The following DCDC2 variants were observed in gnomAD, a reference collection of about 807,000 sequenced individuals.
DCDC2 encodes doublecortin domain containing 2.
DCDC2 carries 40 observed loss-of-function variants against 50.2 expected under a neutral mutation model. That is an observed-to-expected ratio of 0.80 (90% CI 0.62 to 1.04). The LOEUF (loss-of-function observed/expected upper bound fraction) is 1.04. DCDC2 is among the 50% of genes least tolerant of loss of function. The probability of loss-of-function intolerance (pLI) is 0.00; values close to 1 mark genes in which losing one functional copy is unlikely to be tolerated. For synonymous variants in DCDC2, 234 were observed against 210.6 expected, an observed-to-expected ratio of 1.11 and a Z score of -0.96; for missense variants, 570 against 581.9, an observed-to-expected ratio of 0.98 and a Z score of 0.21.
chr6:24,225,943 T>C (rs1416433374), intron 7 of DCDC2, among the ~76,000 whole-genome samples: 1 of 152,230 alleles, frequency 6.6e-6, no homozygotes, highest in African/African-American at 2.4e-5. Flanking sequence ...TACACACCAT[T>C]GTGAACCATT....
chr6:24,204,693 C>G (rs1331951862), intron 8 of DCDC2, among the ~76,000 whole-genome samples: 1 of 152,122 alleles, frequency 6.6e-6, no homozygotes, highest in Non-Finnish European at 1.5e-5. Context: ...CAAACCAATA[C>G]TCTTTTTTAT....
At chr6:24,375,793 A>G in the DCDC2 span, among the ~76,000 whole-genome samples, 1 of 152,130 alleles carries the variant, frequency 6.6e-6, no homozygotes, top group Non-Finnish European at 1.5e-5. Context: ...GTGGTACTTG[A>G]TGAATACATT....
chr6:24,374,026 G>A, the DCDC2 span, among the ~76,000 whole-genome samples: 1 of 152,038 alleles, frequency 6.6e-6, no homozygotes, highest in African/African-American at 2.4e-5. Context: ...GCCGGGCGTG[G>A]TGGCGGGCGC....
chr6:24,301,182 T>C (rs1334900572), intron 4 of DCDC2, among the ~76,000 whole-genome samples: 1 of 151,686 alleles, frequency 6.6e-6, no homozygotes. Flanking sequence ...CCATCCTGGC[T>C]AACATGGAGA....
At chr6:24,361,757 C>CA (rs1760668562), upstream of DCDC2, among the ~76,000 whole-genome samples, 1 of 152,144 alleles carries the variant, frequency 6.6e-6, no homozygotes, top group South Asian at 2.1e-4. Context: ...AGCATTAAAC[C>CA]AATCATGGGG....
At position 24,325,186 on chromosome 6, in the gene DCDC2, C is replaced by T. The variant is rs1021887962; in HGVS notation, c.349-23142G>A. Among the ~76,000 whole-genome samples, 7 of 150,292 alleles carry T rather than the reference C, an allele frequency of 4.7e-5. 1 individual carries two copies. The highest frequency in any genetic ancestry group is 1.3e-4 in the Admixed American group (2 of 15,098). On this transcript the variant is annotated intron_variant, in intron 2 of 9. Coordinates refer to ENST00000378454, the MANE Select transcript of DCDC2 (RefSeq NM_016356.5). ...AACGTTCCATCTAGGAGTGAGAGAG[C>T]ACGATATCTACTTCCTCACACTTCT...
intron 2 of DCDC2, among the ~76,000 whole-genome samples, chr6:24,315,949 G>T (rs1302427465): frequency 1.3e-5 from 2 of 152,184 alleles, no homozygotes; most frequent in African/African-American, 2.4e-5. Flanking sequence ...AGGAAAAAAA[G>T]AAAAGTGGGT....
chr6:24,237,656 C>T (rs1762475706), intron 7 of DCDC2, among the ~76,000 whole-genome samples: 1 of 152,136 alleles, frequency 6.6e-6, no homozygotes, highest in Non-Finnish European at 1.5e-5. Context: ...ATAGCAAAGA[C>T]ATGGAATCAA....
chr6:24,219,644 G>A (rs4513785), intron 7 of DCDC2, among the ~76,000 whole-genome samples: 150,527 of 152,318 alleles, frequency 0.99, 74,394 homozygotes, highest in East Asian at 1. Context: ...CGACCTGTGC[G>A]GTCACACAGG....
At chr6:24,306,414 C>T (rs191281091) in intron 2 of DCDC2, among the ~76,000 whole-genome samples, 1 of 151,780 alleles carries the variant, frequency 6.6e-6, no homozygotes, top group Non-Finnish European at 1.5e-5. Context: ...GTAGGTTAGC[C>T]GAGTGAATTA....
chr6:24,235,252 G>A (rs1762418587), intron 7 of DCDC2, among the ~76,000 whole-genome samples: 1 of 152,316 alleles, frequency 6.6e-6, no homozygotes, highest in Non-Finnish European at 1.5e-5. Context: ...AGTGAATGGG[G>A]GAGATAAGAC....
At chr6:24,338,932 C>T (rs1476970127) in intron 2 of DCDC2, among the ~76,000 whole-genome samples, 1 of 152,100 alleles carries the variant, frequency 6.6e-6, no homozygotes, top group Non-Finnish European at 1.5e-5. Flanking sequence ...GTGTGAGCCA[C>T]CATGCCCAGC....
chr6:24,293,999 T>A (rs1763807831), intron 4 of DCDC2, among the ~76,000 whole-genome samples: 1 of 152,178 alleles, frequency 6.6e-6, no homozygotes, highest in Non-Finnish European at 1.5e-5. Context: ...AAATACAACA[T>A]ACCAGAATCT....
At chr6:24,381,870 GAAAGAAAGAGATAAAGAAAAAA>G in the DCDC2 span, among the ~76,000 whole-genome samples, 6 of 110,850 alleles carry the variant, frequency 5.4e-5, no homozygotes, top group Non-Finnish European at 7.7e-5. Flanking sequence ...AGAAATAAAA[GAAAGAAAGAGATAAAGAAAAAA>G]GAAAGAAAGA....
chr6:24,260,209 G>A (rs1762980177), intron 7 of DCDC2, among the ~76,000 whole-genome samples: 1 of 152,110 alleles, frequency 6.6e-6, no homozygotes, highest in South Asian at 2.1e-4. Context: ...TCTTGGGAGG[G>A]GGAGGACACA....
chr6:24,371,545 T>C, the DCDC2 span, among the ~76,000 whole-genome samples: 2 of 151,816 alleles, frequency 1.3e-5, no homozygotes, highest in Non-Finnish European at 2.9e-5. Context: ...GAGGCAGAGG[T>C]TGCAGTGTGC....
chr6:24,352,593 C>G (rs555974657), intron 2 of DCDC2, among the ~76,000 whole-genome samples: 1 of 152,188 alleles, frequency 6.6e-6, no homozygotes, highest in African/African-American at 2.4e-5. Context: ...TGAATTTAAC[C>G]TCATATTCTT....
chr6:24,361,179 C>A (rs905473584), upstream of DCDC2, among the ~76,000 whole-genome samples: 4 of 151,928 alleles, frequency 2.6e-5, no homozygotes, highest in Admixed American at 2.0e-4. Flanking sequence ...GAACAAAAAA[C>A]CAAATACCCG....
intron 8 of DCDC2, among the ~76,000 whole-genome samples, chr6:24,198,860 G>A (rs1375726237): frequency 6.6e-6 from 1 of 152,210 alleles, no homozygotes; most frequent in Middle Eastern, 3.2e-3. Flanking sequence ...TGAGTAGGTG[G>A]TTTTCCCCTC....
Sources: allele counts gnomAD v4.1 joint callset (sites outside exome capture counted in the v4.1 genomes callset), GRCh38; gene constraint gnomAD v4.1.1; transcripts MANE v1.5; gene names NCBI Gene and HGNC (gene_info 2026-07-23, HGNC 2026-07-21).